The following C1orf50 variants were observed in gnomAD, a reference collection of about 807,000 sequenced individuals.
The protein encoded by C1orf50 is uncharacterized protein C1orf50.
C1orf50 carries 22 observed loss-of-function variants against 23.3 expected under a neutral mutation model. The ratio of observed to expected loss-of-function variants is 0.94; its 90% CI spans 0.67 to 1.35. The LOEUF (loss-of-function observed/expected upper bound fraction) is 1.35. C1orf50 is among the 40% of genes most tolerant of loss of function. The pLI is 0.00. For missense variants in C1orf50, 271 were observed against 249.4 expected (o/e 1.09, Z -0.58); for synonymous variants, 96 against 102.4 (o/e 0.94, Z 0.38).
intron 2 of C1orf50, among the ~76,000 whole-genome samples, chr1:42,771,524 CTA>C (rs1056490132): frequency 3.3e-5 from 5 of 152,112 alleles, no homozygotes; most frequent in African/African-American, 9.6e-5. Flanking sequence ...AAAATAAACA[CTA>C]TATTTTGAAG....
chr1:42,771,165 C>T (rs560383591), intron 2 of C1orf50, among the ~76,000 whole-genome samples: 15 of 152,250 alleles, frequency 9.9e-5, no homozygotes, highest in African/African-American at 3.6e-4. Flanking sequence ...TCCTTCATAA[C>T]AGTGCATTGT....
intron 4 of C1orf50, 98 bp from the exon 5 acceptor site, chr1:42,775,111 A>G (rs1239695536): frequency 8.3e-7 from 1 of 1,200,330 alleles, no homozygotes; most frequent in African/African-American, 1.5e-5. Flanking sequence ...ACTAGTATGA[A>G]GTGAAAAGCC....
intron 1 of C1orf50, 51 bp downstream of exon 1, chr1:42,767,441 G>A (rs930338509): frequency 3.2e-6 from 5 of 1,553,094 alleles, no homozygotes; most frequent in African/African-American, 1.4e-5. Context: ...CGAGGCAGCC[G>A]GTCTCGGGGC....
intron 2 of C1orf50, among the ~76,000 whole-genome samples, chr1:42,770,253 C>T (rs1323473246): frequency 3.3e-5 from 5 of 152,010 alleles, no homozygotes; most frequent in Non-Finnish European, 7.4e-5. Context: ...TCAGACTAAT[C>T]CATATTTTGC....
chr1:42,773,625 A>G lies in C1orf50; in HGVS notation c.258A>G (p.Gln86=), dbSNP rs192203691. The G allele has an allele frequency of 6.8e-6, 11 of 1,612,314 alleles. No homozygotes were observed. Among genetic ancestry groups the G allele is most frequent in the African/African-American group, 1.3e-5 (1 of 75,008 alleles). The change falls in exon 3 of 5, where the codon CAA becomes CAG. Residue 86 remains glutamine, a synonymous_variant. Coordinates refer to ENST00000372525, the MANE Select transcript of C1orf50 (RefSeq NM_024097.4). ...NKLTVIAEQI[Q]HLQEQARKVL... ...TGACAGTCATAGCTGAGCAAATCCA[A>G]CATTTGCAAGAACAAGCCAGGAAGG...
intron 3 of C1orf50, 142 bp from the exon 4 acceptor site, chr1:42,774,595 C>A: frequency 2.2e-6 from 2 of 903,132 alleles, no homozygotes; most frequent in Non-Finnish European, 3.3e-6. Context: ...TCAGAATAAT[C>A]TGGATCTCAG....
chr1:42,779,467 A>G lies in C1orf50; in HGVS notation c.*4073A>G, dbSNP rs561677106. ...TACAATCGATTGCCATCTTGTTAATAAAATGTCAGAGGGATTAGAGGAAAG... is the reference window on the plus strand; with the variant it reads ...TACAATCGATTGCCATCTTGTTAATGAAATGTCAGAGGGATTAGAGGAAAG... On this transcript the variant is annotated 3_prime_UTR_variant, in exon 5 of 5. Transcript: ENST00000372525. The G allele has an allele frequency of 6.6e-6, 1 of 152,224 alleles. No individual in the cohort carries two copies. The highest frequency in any genetic ancestry group is 1.9e-4 in the East Asian group (1 of 5,188). The allele number at this position is 152,224 out of a possible 1,614,324, so 9.4% of individuals were successfully genotyped here.
intron 2 of C1orf50, among the ~76,000 whole-genome samples, chr1:42,771,207 C>T (rs1201692158): frequency 1.3e-5 from 2 of 152,174 alleles, no homozygotes; most frequent in African/African-American, 4.8e-5. Flanking sequence ...CTTTAATCAT[C>T]TTTACTTTTT....
At chr1:42,774,945 C>T in intron 4 of C1orf50, 77 bp downstream of exon 4, 1 of 1,517,288 alleles carries the variant, frequency 6.6e-7, no homozygotes, top group Non-Finnish European at 9.0e-7. Context: ...AAAATGTAGA[C>T]ATGTGGATTG....
At position 42,775,497 on chromosome 1, in the gene C1orf50, T is replaced by G. The variant is rs1653319005; in HGVS notation, c.*103T>G. ...GAAGACATGTAGGTGACTCACAAAC[T>G]TCTTGGAAAGAGACCCTGTGTGAAT... On this transcript the variant is annotated 3_prime_UTR_variant, in exon 5 of 5. Transcript: ENST00000372525. 1 of 1,062,650 alleles carries G rather than the reference T, an allele frequency of 9.4e-7. No homozygotes were observed. The highest frequency in any genetic ancestry group is 1.9e-5 in the South Asian group (1 of 52,878). The allele number at this position is 1,062,650 out of a possible 1,614,324, so 65.8% of individuals were successfully genotyped here.
chr1:42,778,012 C>G lies in C1orf50; in HGVS notation c.*2618C>G, dbSNP rs1229328641. ...TGATTGAAAAGAGAGAAACTGCCTTCTGTTCAGTAAGATGTACTCCCTGCA... is the reference window on the plus strand; with the variant it reads ...TGATTGAAAAGAGAGAAACTGCCTTGTGTTCAGTAAGATGTACTCCCTGCA... On this transcript the variant is annotated 3_prime_UTR_variant, in exon 5 of 5. Transcript: ENST00000372525. The G allele has an allele frequency of 1.3e-5, 2 of 152,022 alleles. No individual in the cohort carries two copies. Among genetic ancestry groups the G allele is most frequent in the African/African-American group, 4.8e-5 (2 of 41,402 alleles). 9.4% of individuals were successfully genotyped at this position (152,022 alleles called of 1,614,324 possible).
At chr1:42,770,041 C>T (rs374101242) in intron 2 of C1orf50, among the ~76,000 whole-genome samples, 1 of 152,124 alleles carries the variant, frequency 6.6e-6, no homozygotes, top group East Asian at 1.9e-4. Flanking sequence ...GTGAGGTTAT[C>T]ATCTCCAGCG....
In C1orf50 at chr1:42,775,201, T is replaced by C; in HGVS notation, c.415-8T>C. On this transcript the variant is annotated splice_polypyrimidine_tract_variant and splice_region_variant and intron_variant, in intron 4 of 4. Coordinates refer to ENST00000372525, the MANE Select transcript of C1orf50 (RefSeq NM_024097.4). ...GCTGATGGGAACTGCCTCCTTTGCC[T>C]TCTCTAGGAATGGGGGACAAGTTGT... The C allele has an allele frequency of 6.3e-7, 1 of 1,586,454 alleles. No individual in the cohort carries two copies. The highest frequency in any genetic ancestry group is 8.6e-7 in the Non-Finnish European group (1 of 1,156,950).
rs557578818 is a variant in C1orf50, at chr1:42,770,978, G to A, written c.196-2585G>A. On this transcript the variant is annotated intron_variant, in intron 2 of 4. Transcript: ENST00000372525. ...GAGGCCTTCTTGTCTGAAGAAGACC[G>A]TACCCTACCCCATCCAAATGACAGT... Among the ~76,000 whole-genome samples, 11 of 151,982 alleles carry A rather than the reference G, an allele frequency of 7.2e-5. No individual in the cohort carries two copies. In the South Asian group the frequency reaches 1.0e-3, roughly 14 times the overall value.
intron 4 of C1orf50, 108 bp from the exon 5 acceptor site, chr1:42,775,101 A>T: frequency 9.1e-7 from 1 of 1,103,704 alleles, no homozygotes; most frequent in South Asian, 1.6e-5. Flanking sequence ...GGTTGTTCTG[A>T]CTAGTATGAA....
intron 2 of C1orf50, among the ~76,000 whole-genome samples, chr1:42,771,525 T>C (rs1653219947): frequency 1.3e-5 from 2 of 152,170 alleles, no homozygotes; most frequent in African/African-American, 2.4e-5. Context: ...AAATAAACAC[T>C]ATATTTTGAA....
In C1orf50 at chr1:42,774,812, T is replaced by C. The variant is rs1653300881; in HGVS notation, c.358T>C (p.Tyr120His). ...TATAGTGAAAAAACCTGGCAACATT[T>C]ACTATCTCTATAAACGGGAGAGTGG... ...CNIVKKPGNIYYLYKRESGQQ... is the reference protein window; with the variant it reads ...CNIVKKPGNIHYLYKRESGQQ... The change falls in exon 4 of 5, where the codon TAC (tyrosine) becomes CAC (histidine). Residue 120 changes from tyrosine (Y) to histidine (H), a missense_variant. Tyr to His is a moderately conservative substitution (Grantham distance 83). Transcript: ENST00000372525. The C allele has an allele frequency of 1.2e-6, 2 of 1,613,706 alleles. No homozygotes were observed. Among genetic ancestry groups the C allele is most frequent in the Non-Finnish European group, 1.7e-6 (2 of 1,179,924 alleles).
chr1:42,775,762 T>TGATATA lies in C1orf50; in HGVS notation c.*368_*369insGATATA, dbSNP rs1553145767. On this transcript the variant is annotated 3_prime_UTR_variant, in exon 5 of 5. Transcript: ENST00000372525. ...TCCAGAGAGAACTGTTTTCAGTCTT[T>TGATATA]TATATATATATATATATATATATAA... 2 of 136,022 alleles carry TGATATA rather than the reference T, an allele frequency of 1.5e-5. No individual in the cohort carries two copies. The highest frequency in any genetic ancestry group is 1.5e-4 in the Admixed American group (2 of 13,546). The allele number at this position is 136,022 out of a possible 1,614,324, so 8.4% of individuals were successfully genotyped here. A position where few individuals can be genotyped will look rare whatever the true frequency, so the allele number is the denominator to read the frequency against.
chr1:42,775,379 G>C lies in C1orf50; in HGVS notation c.585G>C (p.Gln195His). ...CTCCGTGCACTGAACCCAACTTCCAGGGACTGACTCACTGAGAGTGGGCTT... is the reference window on the plus strand; with the variant it reads ...CTCCGTGCACTGAACCCAACTTCCACGGACTGACTCACTGAGAGTGGGCTT... ...ALPPCTEPNF[Q>H]GLTH The change falls in exon 5 of 5, where the codon CAG becomes CAC. Residue 195 changes from glutamine to histidine, a missense_variant. Transcript: ENST00000372525. 6.3e-7 allele frequency: 1 copy of C among 1,590,176 alleles called. No individual in the cohort carries two copies. Among genetic ancestry groups the C allele is most frequent in the Admixed American group, 1.7e-5 (1 of 59,728 alleles).
Sources: allele counts gnomAD v4.1 joint callset (sites outside exome capture counted in the v4.1 genomes callset), GRCh38; gene constraint gnomAD v4.1.1; transcripts MANE v1.5; gene names NCBI Gene and HGNC (gene_info 2026-07-23, HGNC 2026-07-21).